Variants in GRM5 observed in about 807,000 individuals in gnomAD.
The protein encoded by GRM5 is metabotropic glutamate receptor 5.
Under a neutral mutation model 83.1 loss-of-function variants are expected in GRM5, and 19 were observed. The ratio of observed to expected loss-of-function variants is 0.23; its 90% CI spans 0.16 to 0.34. The LOEUF (loss-of-function observed/expected upper bound fraction) is 0.34, where lower values mean the gene tolerates loss of function less well. Ranked by LOEUF, GRM5 falls within the 10% of genes least tolerant of loss-of-function variation. The pLI, the probability that GRM5 is intolerant of heterozygous loss-of-function variation, is 1.00. For synonymous variants in GRM5, 675 were observed against 633.6 expected, an observed-to-expected ratio of 1.07 and a Z score of -0.98; for missense variants, 1,160 against 1,588.3, an observed-to-expected ratio of 0.73 and a Z score of 4.58.
At chr11:89,008,223 G>A (rs544042538) in intron 2 of GRM5, among the ~76,000 whole-genome samples, 17 of 152,152 alleles carry the variant, frequency 1.1e-4, no homozygotes, top group African/African-American at 4.1e-4. Flanking sequence ...GTGCTGACAT[G>A]TAAATTCAAG....
intron 3 of GRM5, among the ~76,000 whole-genome samples, chr11:88,761,524 T>G (rs1942514655): frequency 6.6e-6 from 1 of 151,992 alleles, no homozygotes; most frequent in Non-Finnish European, 1.5e-5. Flanking sequence ...CAAGGAGAAT[T>G]ACAAAACACT....
At chr11:89,053,346 A>G (rs1169688776) in intron 1 of GRM5, among the ~76,000 whole-genome samples, 3 of 152,192 alleles carry the variant, frequency 2.0e-5, no homozygotes, top group African/African-American at 4.8e-5. Flanking sequence ...TAAAAAAATC[A>G]TGACATAGAA....
intron 7 of GRM5, among the ~76,000 whole-genome samples, chr11:88,588,865 C>A (rs1937596265): frequency 6.6e-6 from 1 of 152,064 alleles, no homozygotes; most frequent in South Asian, 2.1e-4. Context: ...GTATGAGGAC[C>A]AGGATATAGG....
intron 4 of GRM5, among the ~76,000 whole-genome samples, chr11:88,641,756 G>A (rs1282311569): frequency 6.6e-6 from 1 of 152,228 alleles, no homozygotes; most frequent in Non-Finnish European, 1.5e-5. Context: ...TCTAGGGCAT[G>A]TGGGTGCAAG....
intron 3 of GRM5, among the ~76,000 whole-genome samples, chr11:88,713,961 T>C (rs2135387146): frequency 6.6e-6 from 1 of 152,150 alleles, no homozygotes; most frequent in South Asian, 2.1e-4. Flanking sequence ...GAAACAAGAT[T>C]GACACTTTGT....
intron 2 of GRM5, among the ~76,000 whole-genome samples, chr11:88,866,329 C>T (rs1944664998): frequency 6.6e-6 from 1 of 152,000 alleles, no homozygotes; most frequent in Non-Finnish European, 1.5e-5. Flanking sequence ...TGCATGTTCT[C>T]GCTCATAAAT....
chr11:88,638,398 T>C (rs1439243873), intron 4 of GRM5, among the ~76,000 whole-genome samples: 1 of 151,686 alleles, frequency 6.6e-6, no homozygotes, highest in Non-Finnish European at 1.5e-5. Flanking sequence ...CTATATGAGG[T>C]ATATTGGGGT....
chr11:89,019,569 G>A lies in GRM5; in HGVS notation c.661+27643C>T, dbSNP rs185779775. On this transcript the variant is annotated intron_variant, in intron 2 of 9. Coordinates refer to ENST00000305447, the MANE Select transcript of GRM5 (RefSeq NM_001143831.3). ...AAAAAAAAAAAATTAGCTGGTCGTG[G>A]TGGTGGGTGCCTGTAATCCCAGCTA... Among the ~76,000 whole-genome samples, 447 of 151,988 alleles carry A rather than the reference G, an allele frequency of 2.9e-3. 3 individuals are homozygous for A. The highest frequency in any genetic ancestry group is 0.01 in the African/African-American group (429 of 41,460).
intron 3 of GRM5, among the ~76,000 whole-genome samples, chr11:88,834,601 G>GCT (rs202011961): frequency 9.3e-6 from 1 of 107,370 alleles, no homozygotes; most frequent in African/African-American, 6.0e-5. Context: ...CTTTAAAACA[G>GCT]CACGTGTCCA....
chr11:88,825,409 A>G (rs1459754949), intron 3 of GRM5, among the ~76,000 whole-genome samples: 4 of 152,182 alleles, frequency 2.6e-5, no homozygotes, highest in Non-Finnish European at 2.9e-5. Context: ...CATTAGCCCA[A>G]TCTGCTCAGA....
intron 2 of GRM5, among the ~76,000 whole-genome samples, chr11:88,989,438 A>C (rs575089934): frequency 8.7e-6 from 1 of 114,550 alleles, no homozygotes; most frequent in Non-Finnish European, 2.0e-5. Context: ...CACTGTCAAC[A>C]TTAGACAGAT....
At chr11:89,011,092 G>A (rs563769632) in intron 2 of GRM5, among the ~76,000 whole-genome samples, 1 of 152,326 alleles carries the variant, frequency 6.6e-6, no homozygotes, top group South Asian at 2.1e-4. Flanking sequence ...AACTCAATGA[G>A]TTAGAATCTG....
At chr11:88,942,021 C>A (rs539822754) in intron 2 of GRM5, among the ~76,000 whole-genome samples, 1 of 151,906 alleles carries the variant, frequency 6.6e-6, no homozygotes, top group African/African-American at 2.4e-5. Flanking sequence ...CAAATATATA[C>A]ACCTTAATTG....
At chr11:88,642,743 C>G (rs1413652473) in intron 4 of GRM5, among the ~76,000 whole-genome samples, 1 of 152,118 alleles carries the variant, frequency 6.6e-6, no homozygotes, top group Non-Finnish European at 1.5e-5. Context: ...ACAAAATGAG[C>G]CAAGCTCTTT....
At chr11:88,522,569 T>TTCTCTCTCTCTC (rs146352449) in intron 9 of GRM5, among the ~76,000 whole-genome samples, 230 of 138,440 alleles carry the variant, frequency 1.7e-3, no homozygotes, top group African/African-American at 4.0e-3. Context: ...CAGGTCTCTC[T>TTCTCTCTCTCTC]TCTCTCTCTC....
chr11:88,674,897 A>G (rs768992294), intron 3 of GRM5, among the ~76,000 whole-genome samples: 4 of 151,900 alleles, frequency 2.6e-5, no homozygotes, highest in African/African-American at 4.8e-5. Flanking sequence ...ATAAAGTCCA[A>G]ACTCCTTGAG....
intron 3 of GRM5, among the ~76,000 whole-genome samples, chr11:88,843,507 C>T (rs1249915287): frequency 6.6e-6 from 1 of 152,076 alleles, no homozygotes; most frequent in African/African-American, 2.4e-5. Context: ...ATTGTCCTAC[C>T]CACTGGCTGT....
chr11:88,972,553 G>T (rs576843426), intron 2 of GRM5, among the ~76,000 whole-genome samples: 2 of 152,178 alleles, frequency 1.3e-5, no homozygotes, highest in African/African-American at 4.8e-5. Flanking sequence ...GGTGGTGCTG[G>T]AATTGGAAGG....
intron 4 of GRM5, among the ~76,000 whole-genome samples, chr11:88,618,098 TA>T (rs1050648909): frequency 6.6e-6 from 1 of 152,184 alleles, no homozygotes; most frequent in African/African-American, 2.4e-5. Context: ...ATATGTTTGA[TA>T]AACTTTGATA....
Sources: allele counts gnomAD v4.1 joint callset (sites outside exome capture counted in the v4.1 genomes callset), GRCh38; gene constraint gnomAD v4.1.1; transcripts MANE v1.5; gene names NCBI Gene and HGNC (gene_info 2026-07-23, HGNC 2026-07-21).